The following RETREG1 variants were observed in gnomAD, a reference collection of about 807,000 sequenced individuals.
RETREG1 encodes family with sequence similarity 134 member B.
Under a neutral mutation model 54.8 loss-of-function variants are expected in RETREG1, and 44 were observed. The observed-to-expected ratio is 0.80, with a 90% CI of 0.63 to 1.03. The LOEUF (loss-of-function observed/expected upper bound fraction) is 1.03. Among genes scored for constraint, RETREG1 ranks in the 50% least tolerant of loss-of-function variants. The pLI, the probability that RETREG1 is intolerant of heterozygous loss-of-function variation, is 0.00. For synonymous variants in RETREG1, 217 were observed against 238.5 expected, an observed-to-expected ratio of 0.91 and a Z score of 0.83; for missense variants, 554 against 605.1, an observed-to-expected ratio of 0.92 and a Z score of 0.89.
Position 16,606,454 on chromosome 5 carries a change from A to C in RETREG1, c.320+10198T>G, listed in dbSNP as rs116591134. Among the ~76,000 whole-genome samples, 550 of 152,196 alleles carry C rather than the reference A, an allele frequency of 3.6e-3. 2 individuals are homozygous for C. Among genetic ancestry groups the C allele is most frequent in the African/African-American group, 0.013 (528 of 41,530 alleles). On this transcript the variant is annotated intron_variant, in intron 1 of 8. Transcript: ENST00000306320. ...ACTCCATACTTCAAACTCAACCTGC[A>C]CTCTGAGAGTCAGTCTGTGTCACTG...
At chr5:16,545,332 A>G (rs979433195) in intron 3 of RETREG1, among the ~76,000 whole-genome samples, 2 of 152,152 alleles carry the variant, frequency 1.3e-5, no homozygotes, top group Non-Finnish European at 2.9e-5. Flanking sequence ...ACTGTTTGAT[A>G]TGGGATATGG....
At chr5:16,532,902 A>G (rs1740954138) in intron 3 of RETREG1, among the ~76,000 whole-genome samples, 2 of 152,252 alleles carry the variant, frequency 1.3e-5, no homozygotes, top group African/African-American at 2.4e-5. Flanking sequence ...ATGAATTTAT[A>G]TAATATGCTA....
chr5:16,513,848 G>A (rs565668679), intron 3 of RETREG1, among the ~76,000 whole-genome samples: 1 of 152,300 alleles, frequency 6.6e-6, no homozygotes, highest in South Asian at 2.1e-4. Context: ...TCTGTGCCCT[G>A]CCACCTCTGT....
intron 3 of RETREG1, among the ~76,000 whole-genome samples, chr5:16,542,273 G>A (rs527297428): frequency 6.6e-6 from 1 of 152,300 alleles, no homozygotes; most frequent in East Asian, 1.9e-4. Context: ...AGTTTTCTAA[G>A]GAAAAACAAA....
At chr5:16,599,660 C>G (rs1216106155) in intron 1 of RETREG1, among the ~76,000 whole-genome samples, 1 of 152,216 alleles carries the variant, frequency 6.6e-6, no homozygotes, top group Non-Finnish European at 1.5e-5. Context: ...ACAGACTGCT[C>G]TCTGCTCTGC....
Position 16,526,442 on chromosome 5 carries a change from G to C in RETREG1, c.458+39321C>G, listed in dbSNP as rs544890927. Among the ~76,000 whole-genome samples, 137 of 152,256 alleles carry C rather than the reference G, an allele frequency of 9.0e-4. 1 individual carries two copies. In the South Asian group the frequency reaches 0.028, roughly 31 times the overall value. On this transcript the variant is annotated intron_variant, in intron 3 of 8. Transcript: ENST00000306320. ...AGGCTTTGAGACCCTATTCCCAGAG[G>C]CTCCCCCCAAGCATTACATGGGAAA...
chr5:16,595,334 T>C (rs1441289395), intron 1 of RETREG1, among the ~76,000 whole-genome samples: 2 of 152,194 alleles, frequency 1.3e-5, no homozygotes, highest in African/African-American at 2.4e-5. Context: ...GTTTAATAGC[T>C]ACAGAAGAGC....
At chr5:16,545,750 G>A (rs1271655092) in intron 3 of RETREG1, among the ~76,000 whole-genome samples, 2 of 152,262 alleles carry the variant, frequency 1.3e-5, no homozygotes, top group Non-Finnish European at 2.9e-5. Context: ...TCCATAAGAT[G>A]CCCCAAGTCC....
chr5:16,531,142 A>C (rs1396287932), intron 3 of RETREG1, among the ~76,000 whole-genome samples: 1 of 152,200 alleles, frequency 6.6e-6, no homozygotes, highest in Non-Finnish European at 1.5e-5. Flanking sequence ...TTACCCAGTC[A>C]TTTGTGTTAC....
intron 3 of RETREG1, among the ~76,000 whole-genome samples, chr5:16,495,154 G>C (rs1427676500): frequency 6.6e-6 from 1 of 152,148 alleles, no homozygotes; most frequent in African/African-American, 2.4e-5. Context: ...GATGTAGCCT[G>C]GCTGCTTCTA....
At chr5:16,483,727 C>A (rs1738907047) in intron 3 of RETREG1, among the ~76,000 whole-genome samples, 1 of 152,046 alleles carries the variant, frequency 6.6e-6, no homozygotes, top group Non-Finnish European at 1.5e-5. Flanking sequence ...TTAGGGACAT[C>A]TTTAATGAAG....
intron 3 of RETREG1, among the ~76,000 whole-genome samples, chr5:16,509,999 A>C (rs1021220742): frequency 3.3e-5 from 5 of 152,244 alleles, no homozygotes; most frequent in African/African-American, 1.2e-4. Context: ...GTTTCTTTAA[A>C]AAGCTAATAA....
chr5:16,577,016 CCCACT>C (rs1185144380), intron 1 of RETREG1, among the ~76,000 whole-genome samples: 5 of 143,542 alleles, frequency 3.5e-5, no homozygotes, highest in African/African-American at 1.3e-4. Context: ...TTCATATTTC[CCCACT>C]CATTTTTGTG....
intron 1 of RETREG1, among the ~76,000 whole-genome samples, chr5:16,579,280 G>C (rs1479946069): frequency 6.6e-6 from 1 of 152,126 alleles, no homozygotes; most frequent in Non-Finnish European, 1.5e-5. Context: ...TTACAGAAGA[G>C]CAAAGAGGCT....
At chr5:16,565,936 A>G in intron 2 of RETREG1, 143 bp from the exon 3 acceptor site, 1 of 869,626 alleles carries the variant, frequency 1.1e-6, no homozygotes, top group Non-Finnish European at 1.8e-6. Context: ...CATACAGTGT[A>G]CACTGCTGGC....
chr5:16,515,630 G>A (rs1740327310), intron 3 of RETREG1, among the ~76,000 whole-genome samples: 1 of 152,136 alleles, frequency 6.6e-6, no homozygotes, highest in Non-Finnish European at 1.5e-5. Context: ...GTTAGAAGAA[G>A]GTAGTTGAGC....
chr5:16,520,181 A>T (rs1321190239), intron 3 of RETREG1, among the ~76,000 whole-genome samples: 2 of 152,160 alleles, frequency 1.3e-5, no homozygotes, highest in Non-Finnish European at 2.9e-5. Context: ...GGAGGGGGTG[A>T]GGAAAGACAG....
intron 5 of RETREG1, among the ~76,000 whole-genome samples, chr5:16,480,350 CCA>C (rs1738713334): frequency 6.6e-6 from 1 of 152,086 alleles, no homozygotes; most frequent in Admixed American, 6.6e-5. Flanking sequence ...TATGGATATA[CCA>C]CAGTTTGCTT....
rs1742843398 is a variant in RETREG1 at position 16,594,227 on chromosome 5, G to T, written c.321-22125C>A. Among the ~76,000 whole-genome samples, 2 of 152,158 alleles carry T rather than the reference G, an allele frequency of 1.3e-5. No individual in the cohort carries two copies. The highest frequency in any genetic ancestry group is 2.9e-5 in the Non-Finnish European group (2 of 68,032). On this transcript the variant is annotated intron_variant, in intron 1 of 8. Transcript: ENST00000306320. The surrounding 1 kb of genome is among the most constrained non-coding windows in gnomAD (Gnocchi z 4.4). ...ATGTACAAGGGTGCTGAACCTTTTG[G>T]CTGTATTCAGTGATACGATTAAGAA...
Sources: gnomAD v4.1 joint callset for allele counts (sites outside exome capture counted in the v4.1 genomes callset) on GRCh38, gnomAD v4.1.1 for gene constraint, Gnocchi (gnomAD v3.1) non-coding constraint, MANE v1.5 for transcripts, NCBI Gene and HGNC (gene_info 2026-07-23, HGNC 2026-07-21) for gene names.